TMEM178B: variants seen among roughly 807,000 people sequenced by gnomAD.
TMEM178B encodes the protein transmembrane protein 178B.
A neutral mutation model predicts 31.0 loss-of-function variants in TMEM178B; 5 were observed. The ratio of observed to expected loss-of-function variants is 0.16; its 90% CI spans 0.08 to 0.34. The LOEUF is 0.34. Among genes scored for constraint, TMEM178B ranks in the 10% least tolerant of loss-of-function variants. The probability of loss-of-function intolerance (pLI) is 1.00; values close to 1 mark genes in which losing one functional copy is unlikely to be tolerated. For synonymous variants in TMEM178B, 164 were observed against 164.0 expected, an observed-to-expected ratio of 1.00 and a Z score of 0.00; for missense variants, 275 against 400.3, an observed-to-expected ratio of 0.69 and a Z score of 2.67.
intron 3 of TMEM178B, among the ~76,000 whole-genome samples, chr7:141,470,118 G>T (rs1458142770): frequency 6.6e-6 from 1 of 152,172 alleles, no homozygotes; most frequent in Non-Finnish European, 1.5e-5. Context: ...AGAAAAGATT[G>T]TTTTTCTCTT....
chr7:141,191,824 T>C (rs1314331224), intron 1 of TMEM178B, among the ~76,000 whole-genome samples: 2 of 152,220 alleles, frequency 1.3e-5, no homozygotes, highest in East Asian at 1.9e-4. Flanking sequence ...CTATGTGAAA[T>C]TTTGTATTTT....
At chr7:141,146,097 G>A (rs576095958) in intron 1 of TMEM178B, among the ~76,000 whole-genome samples, 2 of 152,334 alleles carry the variant, frequency 1.3e-5, no homozygotes, top group African/African-American at 4.8e-5. Context: ...GGCAAAGTAG[G>A]TGTTAATACC....
chr7:141,267,821 C>G (rs1041881477), intron 2 of TMEM178B, among the ~76,000 whole-genome samples: 1 of 152,176 alleles, frequency 6.6e-6, no homozygotes, highest in African/African-American at 2.4e-5. Context: ...TACTCCTCAT[C>G]ATATAATTGG....
rs570026547 is a variant in TMEM178B, at chr7:141,292,970, G to C, written c.496+80266G>C. Among the ~76,000 whole-genome samples, 34 of 152,186 alleles carry C rather than the reference G, an allele frequency of 2.2e-4. No individual in the cohort carries two copies. In the South Asian group the frequency reaches 6.6e-3, roughly 30 times the overall value. ...CTTTTTATTGAATTCTCTGACTACT[G>C]CTCTGTGGAAGTGTTGAGCCTGCAA... On this transcript the variant is annotated intron_variant, in intron 2 of 3. Transcript: ENST00000565468.
chr7:141,183,924 C>T (rs1241281296), intron 1 of TMEM178B, among the ~76,000 whole-genome samples: 1 of 152,188 alleles, frequency 6.6e-6, no homozygotes, highest in East Asian at 1.9e-4. Context: ...TTGGCCTCAG[C>T]AAAGAAGCAT....
intron 2 of TMEM178B, among the ~76,000 whole-genome samples, chr7:141,241,545 C>T (rs1797618780): frequency 6.7e-6 from 1 of 149,244 alleles, no homozygotes; most frequent in South Asian, 2.1e-4. Context: ...ATCTGAGATC[C>T]CGCTGTTGCA....
chr7:141,433,395 T>G (rs974864894), intron 2 of TMEM178B, among the ~76,000 whole-genome samples: 2 of 152,210 alleles, frequency 1.3e-5, no homozygotes, highest in African/African-American at 4.8e-5. Flanking sequence ...GATACTGACT[T>G]TAGATTTGAC....
chr7:141,221,692 A>C (rs760848343), intron 2 of TMEM178B, among the ~76,000 whole-genome samples: 1 of 152,250 alleles, frequency 6.6e-6, no homozygotes, highest in African/African-American at 2.4e-5. Context: ...CACCAGTCAC[A>C]AACAGTGATT....
chr7:141,419,225 A>G (rs1453841873), intron 2 of TMEM178B, among the ~76,000 whole-genome samples: 1 of 152,038 alleles, frequency 6.6e-6, no homozygotes, highest in Admixed American at 6.6e-5. Context: ...CTTGCTTTCC[A>G]TCATGCCCCT....
rs369588215 is a variant in TMEM178B, at chr7:141,157,785, A to G, written c.383-54806A>G. ...TGATGCCTGGCACATCATGGTGATA[A>G]GATGTTAGTTTCTCCTTCTTGCTCC... is the stretch of plus-strand genomic sequence containing the variant. On this transcript the variant is annotated intron_variant, in intron 1 of 3. Coordinates refer to ENST00000565468, the MANE Select transcript of TMEM178B (RefSeq NM_001195278.2). Among the ~76,000 whole-genome samples the G allele has an allele frequency of 9.2e-5, 14 of 152,264 alleles. 1 individual carries two copies. In the South Asian group the frequency reaches 1.5e-3, roughly 16 times the overall value.
At chr7:141,125,448 C>T (rs896841975) in intron 1 of TMEM178B, among the ~76,000 whole-genome samples, 4 of 151,724 alleles carry the variant, frequency 2.6e-5, no homozygotes, top group Non-Finnish European at 4.4e-5. Flanking sequence ...TTTGGGAGGC[C>T]GAGGAGGGTG....
chr7:141,300,741 A>G (rs867554583), intron 2 of TMEM178B, among the ~76,000 whole-genome samples: 5 of 152,246 alleles, frequency 3.3e-5, no homozygotes, highest in South Asian at 4.2e-4. Context: ...ACAGAATCCC[A>G]GTGTCCTGTC....
chr7:141,235,967 C>T (rs1159772247), intron 2 of TMEM178B, among the ~76,000 whole-genome samples: 2 of 152,174 alleles, frequency 1.3e-5, no homozygotes, highest in Non-Finnish European at 2.9e-5. Flanking sequence ...TTAAGCCTGT[C>T]CACTGTTTAG....
chr7:141,404,064 G>T (rs780419062), intron 2 of TMEM178B, among the ~76,000 whole-genome samples: 7 of 152,190 alleles, frequency 4.6e-5, no homozygotes, highest in Non-Finnish European at 1.0e-4. Context: ...CCAGCACTCT[G>T]GGGGGCCGAG....
intron 2 of TMEM178B, among the ~76,000 whole-genome samples, chr7:141,382,799 C>T (rs1048361364): frequency 6.6e-6 from 1 of 152,190 alleles, no homozygotes; most frequent in Non-Finnish European, 1.5e-5. Flanking sequence ...TTCAGTCCCA[C>T]AAACAAACCT....
At chr7:141,280,478 C>T (rs1239541008) in intron 2 of TMEM178B, among the ~76,000 whole-genome samples, 2 of 152,104 alleles carry the variant, frequency 1.3e-5, no homozygotes, top group African/African-American at 2.4e-5. Context: ...AACCCCTTTC[C>T]CTTGGTTCTC....
At position 141,096,221 on chromosome 7, in the gene TMEM178B, C is replaced by T. The variant is rs184736709; in HGVS notation, c.382+21529C>T. Among the ~76,000 whole-genome samples, 8 of 152,316 alleles carry T rather than the reference C, an allele frequency of 5.3e-5. No homozygotes were observed. The East Asian group carries it at 1.5e-3, about 29-fold the overall frequency. ...GCAGGTCAAATGTTTGCCCACTGAA[C>T]AGACAGTGCCTTTCCTTATGGGTGT... On this transcript the variant is annotated intron_variant, in intron 1 of 3. Coordinates refer to ENST00000565468, the MANE Select transcript of TMEM178B (RefSeq NM_001195278.2).
chr7:141,226,838 A>C (rs1414232848), intron 2 of TMEM178B, among the ~76,000 whole-genome samples: 1 of 147,818 alleles, frequency 6.8e-6, no homozygotes, highest in Non-Finnish European at 1.5e-5. Context: ...AGCCTAAGCA[A>C]CAGAGTGAGA....
chr7:141,373,578 C>A (rs1800156182), intron 2 of TMEM178B, among the ~76,000 whole-genome samples: 1 of 152,196 alleles, frequency 6.6e-6, no homozygotes, highest in African/African-American at 2.4e-5. Context: ...ATGAGGTGCT[C>A]TAGAGCTTGG....
Sources: allele counts gnomAD v4.1 joint callset (sites outside exome capture counted in the v4.1 genomes callset), GRCh38; gene constraint gnomAD v4.1.1; transcripts MANE v1.5; gene names NCBI Gene and HGNC (gene_info 2026-07-23, HGNC 2026-07-21).